KCNQ1OT1: variants seen among roughly 807,000 people sequenced by gnomAD.
KCNQ1OT1 encodes KCNQ1 opposite strand/antisense transcript 1.
rs1849381549 is a variant in KCNQ1OT1 at position 2,632,748 on chromosome 11, G to A, written n.67247C>T. 2.5e-6 allele frequency: 1 copy of A among 398,366 alleles called. No homozygotes were observed. The highest frequency in any genetic ancestry group is 4.4e-6 in the Non-Finnish European group (1 of 225,966). 24.7% of individuals were successfully genotyped at this position (398,366 alleles called of 1,614,324 possible). ...TTCATCCATGTTGCTGTGAATGACA[G>A]GACTTAATGCTTTATTATGACTGAA... On this transcript the variant is annotated non_coding_transcript_exon_variant, in exon 1 of 1. Coordinates refer to ENST00000597346, the Ensembl canonical transcript of KCNQ1OT1.
rs151160033 is a variant in KCNQ1OT1 at position 2,656,595 on chromosome 11, C to T, written n.43400G>A. Reference sequence around the variant, plus strand: ...TGGATTCCTCTTTTGTGATGTGCTACTTTGTCTATTGCCCATTTTCTATTA... The same window carrying T: ...TGGATTCCTCTTTTGTGATGTGCTATTTTGTCTATTGCCCATTTTCTATTA... On this transcript the variant is annotated non_coding_transcript_exon_variant, in exon 1 of 1. Transcript: ENST00000597346. 1.2e-3 allele frequency: 494 copies of T among 398,652 alleles called. 3 individuals carry two copies. Among genetic ancestry groups the T allele is most frequent in the African/African-American group, 8.8e-3 (428 of 48,752 alleles). The allele number at this position is 398,652 out of a possible 1,614,324, so 24.7% of individuals were successfully genotyped here. A position where few individuals can be genotyped will look rare whatever the true frequency, so the allele number is the denominator to read the frequency against.
At chr11:2,632,775 A>G (rs949781835) in exon 1 of KCNQ1OT1, 5 of 398,318 alleles carry the variant, frequency 1.3e-5, no homozygotes, top group Non-Finnish European at 2.2e-5. Flanking sequence ...ATGACTGAAT[A>G]ATATTCCATT....
chr11:2,612,181 GGCAA>G lies in KCNQ1OT1; in HGVS notation n.87810_87813del. ...GCTACACAGCAGGAGGTGAGCAGCAGGCAAGCAAGCATTACTGCCTGAGCTCTGC... is the reference window on the plus strand; with the variant it reads ...GCTACACAGCAGGAGGTGAGCAGCAGGCAAGCATTACTGCCTGAGCTCTGC... On this transcript the variant is annotated non_coding_transcript_exon_variant, in exon 1 of 1. Transcript: ENST00000597346. The surrounding 1 kb of genome is among the most constrained non-coding windows in gnomAD (Gnocchi z 5.5). The G allele has an allele frequency of 2.5e-6, 1 of 398,674 alleles. No homozygotes were observed. The allele number at this position is 398,674 out of a possible 1,614,324, so 24.7% of individuals were successfully genotyped here.
Position 2,658,011 on chromosome 11 carries a change from C to T in KCNQ1OT1, n.41984G>A. On this transcript the variant is annotated non_coding_transcript_exon_variant, in exon 1 of 1. Transcript: ENST00000597346. The surrounding 1 kb of genome is among the most constrained non-coding windows in gnomAD (Gnocchi z 4.9). ...CACTGTAAGTGAATAGCTGTTTTTCCCTTTCCATAGCTTAGTCTTTAGAAG... is the reference window on the plus strand; with the variant it reads ...CACTGTAAGTGAATAGCTGTTTTTCTCTTTCCATAGCTTAGTCTTTAGAAG... 1 of 398,564 alleles carries T rather than the reference C, an allele frequency of 2.5e-6. No individual in the cohort carries two copies. Among genetic ancestry groups the T allele is most frequent in the Non-Finnish European group, 4.4e-6 (1 of 226,052 alleles). 24.7% of individuals were successfully genotyped at this position (398,564 alleles called of 1,614,324 possible).
exon 1 of KCNQ1OT1, chr11:2,632,652 T>TA: frequency 2.5e-6 from 1 of 398,410 alleles, no homozygotes. Context: ...TCAAATATCA[T>TA]TTCTCTGTTT....
At position 2,627,072 on chromosome 11, in the gene KCNQ1OT1, T is replaced by C; in HGVS notation, n.72923A>G. The C allele has an allele frequency of 2.5e-6, 1 of 398,600 alleles. No individual in the cohort carries two copies. 24.7% of individuals were successfully genotyped at this position (398,600 alleles called of 1,614,324 possible). ...CCATGAACATAGGAGGTGTTTTCCC[T>C]TTATGTCTACTTTAATTTCTTTCAG... On this transcript the variant is annotated non_coding_transcript_exon_variant, in exon 1 of 1. Transcript: ENST00000597346. This position sits in a 1 kb window ranked among gnomAD's most constrained non-coding sequence, Gnocchi z 4.9.
exon 1 of KCNQ1OT1, chr11:2,646,433 T>G (rs2412055): frequency 0.88 from 350,959 of 398,540 alleles, 154,660 homozygotes; most frequent in East Asian, 0.91. Context: ...TTGGTTAAGC[T>G]TTGCTTTTTT....
exon 1 of KCNQ1OT1, chr11:2,643,457 A>C (rs1228528662): frequency 2.5e-6 from 1 of 398,266 alleles, no homozygotes; most frequent in Non-Finnish European, 4.4e-6. Flanking sequence ...GTTTTATCTG[A>C]TGAAAGTATA....
chr11:2,616,667 G>T (rs1849069798), exon 1 of KCNQ1OT1: 1 of 398,004 alleles, frequency 2.5e-6, no homozygotes, highest in Admixed American at 4.4e-5. Context: ...AGAGTGTGTA[G>T]TTTTATTTCC....
At position 2,652,556 on chromosome 11, in the gene KCNQ1OT1, A is replaced by G. The variant is rs1849773365; in HGVS notation, n.47439T>C. 1 of 398,330 alleles carries G rather than the reference A, an allele frequency of 2.5e-6. No homozygotes were observed. Among genetic ancestry groups the G allele is most frequent in the Non-Finnish European group, 4.4e-6 (1 of 226,056 alleles). The allele number at this position is 398,330 out of a possible 1,614,324, so 24.7% of individuals were successfully genotyped here. On this transcript the variant is annotated non_coding_transcript_exon_variant, in exon 1 of 1. Transcript: ENST00000597346. The surrounding 1 kb of genome is among the most constrained non-coding windows in gnomAD (Gnocchi z 5.9). ...GAAGATAGTGCTTAACCCAGATTCC[A>G]TTGTATATTAAAGTTTCCTAGGGCT...
In KCNQ1OT1 at chr11:2,651,106, C is replaced by G. The variant is rs1449965510; in HGVS notation, n.48889G>C. 1 of 398,584 alleles carries G rather than the reference C, an allele frequency of 2.5e-6. No homozygotes were observed. Among genetic ancestry groups the G allele is most frequent in the Non-Finnish European group, 4.4e-6 (1 of 226,128 alleles). The allele number at this position is 398,584 out of a possible 1,614,324, so 24.7% of individuals were successfully genotyped here. ...GTCTCTTGATTTCCACTCTTGCTTC[C>G]TGTACTCCATTCTTCACATAACAGC... On this transcript the variant is annotated non_coding_transcript_exon_variant, in exon 1 of 1. Transcript: ENST00000597346. This position sits in a 1 kb window ranked among gnomAD's most constrained non-coding sequence, Gnocchi z 6.1.
At position 2,671,010 on chromosome 11, in the gene KCNQ1OT1, T is replaced by G; in HGVS notation, n.28985A>C. 1 of 398,594 alleles carries G rather than the reference T, an allele frequency of 2.5e-6. No homozygotes were observed. Among genetic ancestry groups the G allele is most frequent in the Non-Finnish European group, 4.4e-6 (1 of 226,074 alleles). The allele number at this position is 398,594 out of a possible 1,614,324, so 24.7% of individuals were successfully genotyped here. ...CATGCTTTAGATATGTGGGCCCTGT[T>G]AGGGACAACGTAGGTGTCCTGGGCA... On this transcript the variant is annotated non_coding_transcript_exon_variant, in exon 1 of 1. Coordinates refer to ENST00000597346, the Ensembl canonical transcript of KCNQ1OT1. The surrounding 1 kb of genome is among the most constrained non-coding windows in gnomAD (Gnocchi z 4.7).
exon 1 of KCNQ1OT1, chr11:2,685,597 G>C (rs1157947160): frequency 1.5e-5 from 6 of 398,608 alleles, no homozygotes; most frequent in Middle Eastern, 6.2e-4. Flanking sequence ...CAGGAAGCTA[G>C]GAGGGTTGCA....
At position 2,652,042 on chromosome 11, in the gene KCNQ1OT1, TCTGA is replaced by T. The variant is rs1445584742; in HGVS notation, n.47949_47952del. On this transcript the variant is annotated non_coding_transcript_exon_variant, in exon 1 of 1. Transcript: ENST00000597346. This position sits in a 1 kb window ranked among gnomAD's most constrained non-coding sequence, Gnocchi z 5.9. The stretch of plus-strand genomic sequence containing the variant: ...AGCCTCCCCCCAGTTCTGGGGTGGC[TCTGA>T]CTGTGTCCAGGCTCCAATTTGAGAA... 2 of 398,564 alleles carry T rather than the reference TCTGA, an allele frequency of 5.0e-6. No homozygotes were observed. The highest frequency in any genetic ancestry group is 2.1e-5 in the African/African-American group (1 of 48,648). 24.7% of individuals were successfully genotyped at this position (398,564 alleles called of 1,614,324 possible).
At chr11:2,656,860 T>C (rs1849859095) in exon 1 of KCNQ1OT1, 1 of 398,532 alleles carries the variant, frequency 2.5e-6, no homozygotes, top group African/African-American at 2.1e-5. Context: ...TAGTTAGGTC[T>C]TCAATCCCCT....
chr11:2,692,372 T>G (rs1850602572), exon 1 of KCNQ1OT1: 1 of 398,888 alleles, frequency 2.5e-6, no homozygotes, highest in Non-Finnish European at 4.4e-6. Context: ...ACTGGCATTC[T>G]CACATCCCCT....
chr11:2,630,819 T>C, exon 1 of KCNQ1OT1: 2 of 398,514 alleles, frequency 5.0e-6, no homozygotes, highest in Non-Finnish European at 8.8e-6. Context: ...GTCTTGTATC[T>C]GTTTCATATC....
exon 1 of KCNQ1OT1, chr11:2,655,127 C>T (rs1280360164): frequency 1.0e-5 from 4 of 398,482 alleles, no homozygotes; most frequent in Non-Finnish European, 1.8e-5. Flanking sequence ...AGCAGGACCA[C>T]TGACTAGAAA....
In KCNQ1OT1 at chr11:2,608,633, A is replaced by G; in HGVS notation, n.91362T>C. On this transcript the variant is annotated non_coding_transcript_exon_variant, in exon 1 of 1. Coordinates refer to ENST00000597346, the Ensembl canonical transcript of KCNQ1OT1. The surrounding 1 kb of genome is among the most constrained non-coding windows in gnomAD (Gnocchi z 4.6). ...TGCACCACAACACCAGCTGTTATTC[A>G]AAAAATATTTTGTAGAGATAGGGTC... 2.5e-6 allele frequency: 1 copy of G among 397,906 alleles called. No individual in the cohort carries two copies. The allele number at this position is 397,906 out of a possible 1,614,324, so 24.6% of individuals were successfully genotyped here. A position where few individuals can be genotyped will look rare whatever the true frequency, so the allele number is the denominator to read the frequency against.
Sources: gnomAD v4.1 joint callset for allele counts on GRCh38, gnomAD v4.1.1 for gene constraint, Gnocchi (gnomAD v3.1) non-coding constraint, MANE v1.5 for transcripts, NCBI Gene and HGNC (gene_info 2026-07-23, HGNC 2026-07-21) for gene names.